GPATCH3: variants seen among roughly 807,000 people sequenced by gnomAD.
GPATCH3 encodes G-patch domain containing 3, also known as G patch domain-containing protein 3.
A neutral mutation model predicts 53.2 loss-of-function variants in GPATCH3; 45 were observed. The ratio of observed to expected loss-of-function variants is 0.85; its 90% CI spans 0.67 to 1.08. GPATCH3 has a LOEUF of 1.08. Among genes scored for constraint, GPATCH3 ranks in the 50% least tolerant of loss-of-function variants. The probability of loss-of-function intolerance (pLI) is 0.00; values close to 1 mark genes in which losing one functional copy is unlikely to be tolerated. For missense variants in GPATCH3, 680 were observed against 687.2 expected (o/e 0.99, Z 0.12); for synonymous variants, 280 against 270.6 (o/e 1.03, Z -0.34).
chr1:26,891,790 C>G (rs2081927581), intron 6 of GPATCH3, among the ~76,000 whole-genome samples: 1 of 152,136 alleles, frequency 6.6e-6, no homozygotes, highest in Non-Finnish European at 1.5e-5. Context: ...TCACTGCAAC[C>G]TCTGCCTCCT....
chr1:26,894,333 C>T lies in GPATCH3; in HGVS notation c.954G>A (p.Glu318=), dbSNP rs2081941561. 1 of 1,614,010 alleles carries T rather than the reference C, an allele frequency of 6.2e-7. No individual in the cohort carries two copies. The highest frequency in any genetic ancestry group is 1.1e-5 in the South Asian group (1 of 91,068). ...EDVTGQERTT[E]QLFEEEIELK... is the part of the protein sequence containing the mutation. ...GCTCAATCTCCTCCTCAAAGAGCTG[C>T]TCAGTGGTCCGCTCCTGCCCGGTCA... The change falls in exon 3 of 7, where the codon GAG becomes GAA. Residue 318 remains glutamate (E), a synonymous_variant. Transcript: ENST00000361720.
At chr1:26,897,078 A>G (rs537385320) in intron 2 of GPATCH3, among the ~76,000 whole-genome samples, 4 of 152,304 alleles carry the variant, frequency 2.6e-5, no homozygotes, top group African/African-American at 9.6e-5. Flanking sequence ...ATGAAAAATA[A>G]GACCCACTTA....
At position 26,900,224 on chromosome 1, in the gene GPATCH3, A is replaced by G; in HGVS notation, c.219T>C (p.Ala73=). 1 of 1,614,198 alleles carries G rather than the reference A, an allele frequency of 6.2e-7. No homozygotes were observed. Among genetic ancestry groups the G allele is most frequent in the Non-Finnish European group, 8.5e-7 (1 of 1,180,036 alleles). Residue 73 remains alanine, a synonymous_variant, in exon 1 of 7, where the codon GCT becomes GCC. Coordinates refer to ENST00000361720, the MANE Select transcript of GPATCH3 (RefSeq NM_022078.3). ...NSALIPTDPA[A]EGQLLSQTSA... is the part of the protein sequence containing the mutation. ...AAGTCTGAGAGAGAAGCTGGCCCTC[A>G]GCGGCTGGGTCGGTAGGAATTAGGG...
Position 26,900,257 on chromosome 1 carries a change from A to G in GPATCH3, c.186T>C (p.Pro62=), listed in dbSNP as rs776565607. Residue 62 remains proline (P), a synonymous_variant, in exon 1 of 7, where the codon CCT becomes CCC. Transcript: ENST00000361720. ...RPERAPPQAA[P]NSALIPTDPA... ...GGTCGGTAGGAATTAGGGCAGAGTT[A>G]GGAGCGGCCTGCGGAGGGGCCCGCT... 5.0e-6 allele frequency: 8 copies of G among 1,614,094 alleles called. No individual in the cohort carries two copies. In the South Asian group the frequency reaches 8.8e-5, roughly 18 times the overall value.
At chr1:26,893,139 C>A (rs556592263) in intron 4 of GPATCH3, among the ~76,000 whole-genome samples, 1 of 152,360 alleles carries the variant, frequency 6.6e-6, no homozygotes, top group South Asian at 2.1e-4. Context: ...CTACCAGGGC[C>A]TGACCATCAG....
Position 26,900,446 on chromosome 1 carries a change from G to A in GPATCH3, c.-4C>T, listed in dbSNP as rs1191363926. The A allele has an allele frequency of 6.2e-7, 1 of 1,607,352 alleles. No homozygotes were observed. Among genetic ancestry groups the A allele is most frequent in the East Asian group, 2.2e-5 (1 of 44,766 alleles). ...CCGCCTCGCCGGGCACCGCCATCTT[G>A]GATTGTCACATGATCAGCTAGAACC... is the stretch of plus-strand genomic sequence containing the variant. On this transcript the variant is annotated 5_prime_UTR_variant, in exon 1 of 7. Coordinates refer to ENST00000361720, the MANE Select transcript of GPATCH3 (RefSeq NM_022078.3).
In GPATCH3 at chr1:26,897,549, G is replaced by A. The variant is rs201274140; in HGVS notation, c.628C>T (p.Arg210Cys). Residue 210 changes from arginine (R) to cysteine (C), a missense_variant, in exon 2 of 7, where the codon CGC becomes TGC. Arg to Cys is a radical substitution (Grantham distance 180). Coordinates refer to ENST00000361720, the MANE Select transcript of GPATCH3 (RefSeq NM_022078.3). The stretch of plus-strand genomic sequence containing the variant: ...TGGGTGATGATCCGAGGGGGTAGGC[G>A]GCAGGCCCGGATCAACTCCAAAAAG... ...RVFLELIRAC[R>C]LPPRIITQLQ... The A allele has an allele frequency of 1.6e-5, 26 of 1,614,184 alleles. No homozygotes were observed. The highest frequency in any genetic ancestry group is 8.3e-5 in the Admixed American group (5 of 60,010).
chr1:26,893,458 C>T lies in GPATCH3; in HGVS notation c.1052-10G>A. 6.4e-7 allele frequency: 1 copy of T among 1,570,462 alleles called. No homozygotes were observed. The highest frequency in any genetic ancestry group is 8.7e-7 in the Non-Finnish European group (1 of 1,151,816). ...GTCTGTTCATCAAAATCTGTAGGGA[C>T]AGAAAAGCATCCAACAGAGTACATT... is the stretch of plus-strand genomic sequence containing the variant. On this transcript the variant is annotated splice_polypyrimidine_tract_variant and intron_variant, in intron 3 of 6. Transcript: ENST00000361720.
chr1:26,896,541 A>AT (rs1553161008), intron 2 of GPATCH3, among the ~76,000 whole-genome samples: 2 of 148,732 alleles, frequency 1.3e-5, no homozygotes, highest in African/African-American at 5.0e-5. Context: ...AATAAAAAAA[A>AT]AAAAAAAAAT....
In GPATCH3 at chr1:26,899,988, T is replaced by C. The variant is rs776768955; in HGVS notation, c.451+4A>G. ...GCCCAGTCTATTAACTTTCTCACTC[T>C]TACCTGATGCCTCCGTAGGTAGCCG... On this transcript the variant is annotated splice_donor_region_variant and intron_variant, in intron 1 of 6. Transcript: ENST00000361720. 3.1e-6 allele frequency: 5 copies of C among 1,613,942 alleles called. No individual in the cohort carries two copies. Among genetic ancestry groups the C allele is most frequent in the Non-Finnish European group, 2.5e-6 (3 of 1,179,886 alleles).
Position 26,890,667 on chromosome 1 carries a change from T to G in GPATCH3, c.*343A>C. 4.5e-6 allele frequency: 2 copies of G among 441,456 alleles called. No homozygotes were observed. The highest frequency in any genetic ancestry group is 8.9e-6 in the Non-Finnish European group (2 of 223,836). 27.3% of individuals were successfully genotyped at this position (441,456 alleles called of 1,614,324 possible). On this transcript the variant is annotated 3_prime_UTR_variant, in exon 7 of 7. Transcript: ENST00000361720. ...AGGTCCCTTTCCCCCTTTCTGGCCT[T>G]CGTGGGGACACCTTCAGAGTCCCCA...
At chr1:26,897,857 G>A (rs1371062073) in intron 1 of GPATCH3, 132 bp from the exon 2 acceptor site, 1 of 757,460 alleles carries the variant, frequency 1.3e-6, no homozygotes, top group African/African-American at 1.8e-5. Context: ...AAAAATCTAG[G>A]CCGACACAGT....
rs772863249 is a variant in GPATCH3 at position 26,900,294 on chromosome 1, C to T, written c.149G>A (p.Arg50Gln). ...RGGGFLCFHYRHRPERAPPQA... is the reference protein window; with the variant it reads ...RGGGFLCFHYQHRPERAPPQA... ...CGGAGGGGCCCGCTCAGGCCGATGC[C>T]GGTAGTGGAAACAGAGGAAGCCACC... Residue 50 changes from arginine to glutamine, a missense_variant, in exon 1 of 7, where the codon CGG (arginine) becomes CAG (glutamine). Physicochemically the swap from Arg to Gln is conservative, Grantham distance 43. Coordinates refer to ENST00000361720, the MANE Select transcript of GPATCH3 (RefSeq NM_022078.3). 2 of 1,613,910 alleles carry T rather than the reference C, an allele frequency of 1.2e-6. No homozygotes were observed. The highest frequency in any genetic ancestry group is 1.7e-6 in the Non-Finnish European group (2 of 1,180,012).
At position 26,892,422 on chromosome 1, in the gene GPATCH3, C is replaced by T. The variant is rs2081931749; in HGVS notation, c.1350G>A (p.Lys450=). The part of the protein sequence containing the change: ...LDSDGQHPRC[K]RGLGYHGEKL... ...TCAGTCACACTTACCCCAATCCACGCTTGCATCTGGGGTGTTGGCCATCAC... is the reference window on the plus strand; with the variant it reads ...TCAGTCACACTTACCCCAATCCACGTTTGCATCTGGGGTGTTGGCCATCAC... The change falls in exon 6 of 7, where the codon AAG becomes AAA. Residue 450 remains lysine, a synonymous_variant. Coordinates refer to ENST00000361720, the MANE Select transcript of GPATCH3 (RefSeq NM_022078.3). The T allele has an allele frequency of 1.2e-6, 2 of 1,612,788 alleles. No homozygotes were observed. Among genetic ancestry groups the T allele is most frequent in the African/African-American group, 1.3e-5 (1 of 74,904 alleles).
rs547854651 is a variant in GPATCH3, at chr1:26,892,874, T to C, written c.1112-83A>G. On this transcript the variant is annotated intron_variant, in intron 4 of 6. Coordinates refer to ENST00000361720, the MANE Select transcript of GPATCH3 (RefSeq NM_022078.3). Reference sequence around the variant, plus strand: ...AGGTTTCTAGGACCCCCTCGTAAGATTGACTTATTCATTTTAATAGTGTTC... The same window carrying C: ...AGGTTTCTAGGACCCCCTCGTAAGACTGACTTATTCATTTTAATAGTGTTC... 47 of 1,526,672 alleles carry C rather than the reference T, an allele frequency of 3.1e-5. 2 individuals carry two copies. In the South Asian group the frequency reaches 4.1e-4, roughly 13 times the overall value. 94.6% of individuals were successfully genotyped at this position (1,526,672 alleles called of 1,614,324 possible).
At position 26,900,220 on chromosome 1, in the gene GPATCH3, C is replaced by T; in HGVS notation, c.223G>A (p.Gly75Ser). Residue 75 changes from glycine (G) to serine (S), a missense_variant, in exon 1 of 7, where the codon GGC becomes AGC. By Grantham distance (56) the Gly-to-Ser change is moderately conservative. Coordinates refer to ENST00000361720, the MANE Select transcript of GPATCH3 (RefSeq NM_022078.3). ...ALIPTDPAAEGQLLSQTSATD... is the reference protein window; with the variant it reads ...ALIPTDPAAESQLLSQTSATD... ...GCCGAAGTCTGAGAGAGAAGCTGGC[C>T]CTCAGCGGCTGGGTCGGTAGGAATT... 1.9e-6 allele frequency: 3 copies of T among 1,614,110 alleles called. No individual in the cohort carries two copies. The highest frequency in any genetic ancestry group is 2.5e-6 in the Non-Finnish European group (3 of 1,180,034).
Position 26,900,166 on chromosome 1 carries a change from C to A in GPATCH3, c.277G>T (p.Asp93Tyr). Residue 93 changes from aspartate (D) to tyrosine (Y), a missense_variant, in exon 1 of 7, where the codon GAC becomes TAC. By Grantham distance (160) the Asp-to-Tyr change is radical. Coordinates refer to ENST00000361720, the MANE Select transcript of GPATCH3 (RefSeq NM_022078.3). ...ATDVRPLSTR[D>Y]STPIQTRTCC... ...GTGCGGGTCTGGATTGGAGTAGAGT[C>A]TCGAGTGGAGAGAGGCCGGACATCG... is the stretch of plus-strand genomic sequence containing the variant. 1.2e-6 allele frequency: 2 copies of A among 1,614,084 alleles called. No homozygotes were observed. The highest frequency in any genetic ancestry group is 1.7e-6 in the Non-Finnish European group (2 of 1,180,032).
At position 26,893,396 on chromosome 1, in the gene GPATCH3, A is replaced by C. The variant is rs775805801; in HGVS notation, c.1104T>G (p.Tyr368Ter). The change falls in exon 4 of 7, where the codon TAT (tyrosine) becomes TAG (stop). Residue 368 changes from tyrosine to a stop codon, truncating the protein, a stop_gained. Transcript: ENST00000361720. LOFTEE classifies it high-confidence loss of function. ...DDWDVDMSVY[Y>*]DRDGGDKDAR... The stretch of plus-strand genomic sequence containing the variant: ...CCACTCCTTGCCCAGTACCTCTGTC[A>C]TAGTACACACTCATGTCCACATCCC... The C allele has an allele frequency of 2.5e-6, 4 of 1,613,202 alleles. No homozygotes were observed. Among genetic ancestry groups the C allele is most frequent in the Non-Finnish European group, 3.4e-6 (4 of 1,179,144 alleles).
intron 2 of GPATCH3, 61 bp from the exon 3 acceptor site, chr1:26,894,471 A>G: frequency 2.0e-6 from 3 of 1,520,810 alleles, no homozygotes; most frequent in South Asian, 2.3e-5. Flanking sequence ...GAGGGAGGGA[A>G]GCTCAGGGCA....
Sources: gnomAD v4.1 joint callset for allele counts (sites outside exome capture counted in the v4.1 genomes callset) on GRCh38, gnomAD v4.1.1 for gene constraint, MANE v1.5 for transcripts, NCBI Gene and HGNC (gene_info 2026-07-23, HGNC 2026-07-21) for gene names.